Variants in EPC2 observed in about 807,000 individuals in gnomAD.
The protein encoded by EPC2 is enhancer of polycomb homolog 2.
EPC2 carries 14 observed loss-of-function variants against 92.1 expected under a neutral mutation model. The observed-to-expected ratio is 0.15, with a 90% CI of 0.10 to 0.24. The LOEUF (loss-of-function observed/expected upper bound fraction) is 0.24. Ranked by LOEUF, EPC2 falls within the 10% of genes least tolerant of loss-of-function variation. The pLI is 1.00. For synonymous variants in EPC2, 340 were observed against 334.7 expected (o/e 1.02, Z -0.17); for missense variants, 755 against 971.5 (o/e 0.78, Z 2.96).
chr2:148,655,699 T>C (rs1680778830), intron 1 of EPC2, among the ~76,000 whole-genome samples: 1 of 152,142 alleles, frequency 6.6e-6, no homozygotes, highest in South Asian at 2.1e-4. Context: ...ACCTACGACC[T>C]GAGGTTCAGA....
At chr2:148,683,457 A>C (rs973928149) in intron 1 of EPC2, among the ~76,000 whole-genome samples, 4 of 151,954 alleles carry the variant, frequency 2.6e-5, no homozygotes, top group African/African-American at 9.7e-5. Flanking sequence ...TAGTAGAGAC[A>C]GGGTTTCACC....
intron 10 of EPC2, among the ~76,000 whole-genome samples, chr2:148,775,791 T>TA (rs909275034): frequency 4.3e-5 from 6 of 139,416 alleles, no homozygotes; most frequent in African/African-American, 1.3e-4. Context: ...TTTTTTTTTT[T>TA]TTTTGAGATG....
chr2:148,700,628 T>C (rs1487824566), intron 2 of EPC2, among the ~76,000 whole-genome samples: 1 of 152,084 alleles, frequency 6.6e-6, no homozygotes, highest in African/African-American at 2.4e-5. Context: ...CTTGCTGTTT[T>C]GTTTATAATA....
intron 6 of EPC2, among the ~76,000 whole-genome samples, chr2:148,764,081 A>T (rs1683361152): frequency 6.6e-6 from 1 of 152,324 alleles, no homozygotes; most frequent in South Asian, 2.1e-4. Context: ...CTTTGTTTTG[A>T]TGTAATAGTT....
intron 2 of EPC2, among the ~76,000 whole-genome samples, chr2:148,713,022 C>CAATA (rs1168792011): frequency 4.6e-5 from 7 of 152,062 alleles, no homozygotes; most frequent in Admixed American, 1.3e-4. Context: ...GACCCTGTCT[C>CAATA]AATAAATAAA....
intron 2 of EPC2, among the ~76,000 whole-genome samples, chr2:148,693,264 GA>G (rs1185057169): frequency 2.6e-5 from 4 of 151,906 alleles, no homozygotes; most frequent in Non-Finnish European, 5.9e-5. Flanking sequence ...CACTTGGCTA[GA>G]AAAAAAACAT....
intron 13 of EPC2, among the ~76,000 whole-genome samples, chr2:148,785,647 CT>C (rs751876727): frequency 5.3e-5 from 8 of 152,104 alleles, no homozygotes; most frequent in Non-Finnish European, 1.2e-4. Context: ...TTTAGGCAGT[CT>C]GGAAGATGGG....
At chr2:148,659,881 G>A (rs557773137) in intron 1 of EPC2, among the ~76,000 whole-genome samples, 2 of 152,206 alleles carry the variant, frequency 1.3e-5, no homozygotes, top group East Asian at 1.9e-4. Flanking sequence ...ACAGATGGTC[G>A]TTGGAAAGGT....
At chr2:148,743,222 C>T (rs1266537937) in intron 2 of EPC2, among the ~76,000 whole-genome samples, 1 of 151,814 alleles carries the variant, frequency 6.6e-6, no homozygotes, top group Non-Finnish European at 1.5e-5. Context: ...CATTAGATAC[C>T]TGTTTTATCC....
intron 2 of EPC2, among the ~76,000 whole-genome samples, chr2:148,699,891 T>C (rs537147033): frequency 6.6e-6 from 1 of 152,310 alleles, no homozygotes; most frequent in South Asian, 2.1e-4. Context: ...TATCATCGTT[T>C]GGTTTTGGGT....
rs765474517 is a variant in EPC2, at chr2:148,771,334, G to A, written c.1667G>A (p.Arg556Lys). The A allele has an allele frequency of 6.2e-7, 1 of 1,611,788 alleles. No homozygotes were observed. Among genetic ancestry groups the A allele is most frequent in the Non-Finnish European group, 8.5e-7 (1 of 1,179,318 alleles). ...CCAGGGCAGACTGTGAACAATAAAA[G>A]AGTTTCTGCAGCATCTGTAGCTTTA... is the stretch of plus-strand genomic sequence containing the variant. ...RKPGQTVNNK[R>K]VSAASVALLN... is the part of the protein sequence containing the mutation. Residue 556 changes from arginine (R) to lysine (K), a missense_variant, in exon 10 of 14, where the codon AGA becomes AAA. By Grantham distance (26) the Arg-to-Lys change is conservative. This residue lies in a region of EPC2 where 509 missense variants were observed against 607.7 expected (regional missense o/e 0.84). Coordinates refer to ENST00000258484, the MANE Select transcript of EPC2 (RefSeq NM_015630.4).
At chr2:148,743,148 G>A (rs1486716317) in intron 2 of EPC2, among the ~76,000 whole-genome samples, 1 of 151,998 alleles carries the variant, frequency 6.6e-6, no homozygotes, top group Non-Finnish European at 1.5e-5. Context: ...GTTAGAAGTA[G>A]GGTAGGAATT....
At chr2:148,708,186 C>A (rs1682046665) in intron 2 of EPC2, among the ~76,000 whole-genome samples, 1 of 152,172 alleles carries the variant, frequency 6.6e-6, no homozygotes, top group Admixed American at 6.5e-5. Flanking sequence ...TACGGAAGTA[C>A]AGACTACCAT....
chr2:148,655,865 A>G (rs895521639), intron 1 of EPC2, among the ~76,000 whole-genome samples: 1 of 152,162 alleles, frequency 6.6e-6, no homozygotes, highest in Non-Finnish European at 1.5e-5. Context: ...CACATTTACT[A>G]CTAGCTTTTT....
chr2:148,671,286 GATTTTTTTTTT>G (rs1348017828), intron 1 of EPC2, among the ~76,000 whole-genome samples: 8 of 130,652 alleles, frequency 6.1e-5, no homozygotes, highest in Non-Finnish European at 1.3e-4. Context: ...TGTGGATTGT[GATTTTTTTTTT>G]TTTTTTTTTT....
rs1683075846 is a variant in EPC2, at chr2:148,751,103, T to A, written c.460-2824T>A. Among the ~76,000 whole-genome samples, 4 of 152,122 alleles carry A rather than the reference T, an allele frequency of 2.6e-5. No homozygotes were observed. In the South Asian group the frequency reaches 8.3e-4, roughly 31 times the overall value. ...CATCTTAAAGTTTTTTCCCTTATCT[T>A]CCCCACATTCTATAACCCATTAATG... On this transcript the variant is annotated intron_variant, in intron 3 of 13. Transcript: ENST00000258484.
At position 148,769,052 on chromosome 2, in the gene EPC2, G is replaced by A. The variant is rs1683467841; in HGVS notation, c.1141-99G>A. ...AGTACTTATGATATGTAATATAGAA[G>A]TGATTTACTGTTTGTGATCAGATTT... On this transcript the variant is annotated intron_variant, in intron 7 of 13. Transcript: ENST00000258484. The A allele has an allele frequency of 8.7e-6, 7 of 801,208 alleles. No homozygotes were observed. In the South Asian group the frequency reaches 1.1e-4, roughly 12 times the overall value. 49.6% of individuals were successfully genotyped at this position (801,208 alleles called of 1,614,324 possible).
At chr2:148,781,349 G>A (rs1683743643) in intron 10 of EPC2, among the ~76,000 whole-genome samples, 1 of 151,948 alleles carries the variant, frequency 6.6e-6, no homozygotes, top group Non-Finnish European at 1.5e-5. Context: ...AATTAAGAGT[G>A]GTCTCAAAGA....
intron 10 of EPC2, among the ~76,000 whole-genome samples, chr2:148,774,455 G>A (rs1018550062): frequency 1.1e-4 from 17 of 151,404 alleles, no homozygotes; most frequent in African/African-American, 2.4e-4. Context: ...GGCAAAACCC[G>A]GTTTCTACTA....
Sources: gnomAD v4.1 joint callset for allele counts (sites outside exome capture counted in the v4.1 genomes callset) on GRCh38, gnomAD v4.1.1 for gene constraint, gnomAD v4.1.1 regional missense constraint, MANE v1.5 for transcripts, NCBI Gene and HGNC (gene_info 2026-07-23, HGNC 2026-07-21) for gene names.